The following RBFOX1 variants were observed in gnomAD, a reference collection of about 807,000 sequenced individuals.
The protein encoded by RBFOX1 is RNA binding fox-1 homolog 1.
In RBFOX1, 8 loss-of-function variants were observed where a neutral mutation model predicts 57.7. That is an observed-to-expected ratio of 0.14 (90% CI 0.08 to 0.25). The LOEUF (loss-of-function observed/expected upper bound fraction) is 0.25, where lower values mean the gene tolerates loss of function less well. RBFOX1 is among the 10% of genes least tolerant of loss of function. RBFOX1 has a pLI of 1.00. For synonymous variants in RBFOX1, 326 were observed against 222.4 expected, an observed-to-expected ratio of 1.47 and a Z score of -4.15; for missense variants, 611 against 548.5, an observed-to-expected ratio of 1.11 and a Z score of -1.14.
intron 3 of RBFOX1, among the ~76,000 whole-genome samples, chr16:5,691,786 C>G (rs2050688096): frequency 1.3e-5 from 2 of 151,840 alleles, no homozygotes; most frequent in Non-Finnish European, 2.9e-5. Flanking sequence ...TTTTATTTTA[C>G]AAAAGAGGAA....
chr16:6,221,180 T>G (rs1435121229), intron 1 of RBFOX1, among the ~76,000 whole-genome samples: 2 of 152,230 alleles, frequency 1.3e-5, no homozygotes, highest in Admixed American at 6.5e-5. Flanking sequence ...ATTTCCAACT[T>G]ACTTTTCAAA....
At chr16:6,791,099 G>T (rs1350624760) in intron 3 of RBFOX1, among the ~76,000 whole-genome samples, 2 of 151,904 alleles carry the variant, frequency 1.3e-5, no homozygotes, top group Non-Finnish European at 2.9e-5. Context: ...TAGGGATGGG[G>T]TTTTGCCATC....
Position 5,909,067 on chromosome 16 carries a change from C to T in RBFOX1, c.351+41732C>T, listed in dbSNP as rs113103540. Among the ~76,000 whole-genome samples the T allele has an allele frequency of 1.6e-3, 244 of 149,734 alleles. 2 individuals carry two copies. Among genetic ancestry groups the T allele is most frequent in the African/African-American group, 5.3e-3 (217 of 40,698 alleles). ...CTTAGTTCATGGTATTTTATTATATCGGCTCCAACAGACTAAGCCCCCCTT... is the reference window on the plus strand; with the variant it reads ...CTTAGTTCATGGTATTTTATTATATTGGCTCCAACAGACTAAGCCCCCCTT... On this transcript the variant is annotated intron_variant, in intron 4 of 19. Transcript: ENST00000641259.
intron 3 of RBFOX1, among the ~76,000 whole-genome samples, chr16:6,883,108 C>T (rs1269325331): frequency 6.6e-6 from 1 of 152,108 alleles, no homozygotes; most frequent in Non-Finnish European, 1.5e-5. Flanking sequence ...GTATGAATGG[C>T]TACAGTATAT....
intron 1 of RBFOX1, among the ~76,000 whole-genome samples, chr16:6,080,092 A>G (rs554543533): frequency 4.6e-5 from 7 of 152,276 alleles, no homozygotes; most frequent in East Asian, 1.9e-4. Context: ...TGTACAGTGG[A>G]TATCTTGAAG....
intron 1 of RBFOX1, among the ~76,000 whole-genome samples, chr16:5,414,883 C>G (rs1218689857): frequency 6.6e-6 from 1 of 152,144 alleles, no homozygotes; most frequent in Non-Finnish European, 1.5e-5. Context: ...GGATGGAGAT[C>G]CTAAGCTTCA....
At position 7,436,422 on chromosome 16, in the gene RBFOX1, G is replaced by A. The variant is rs116950673; in HGVS notation, c.28-81725G>A. On this transcript the variant is annotated intron_variant, in intron 4 of 15. Coordinates refer to ENST00000550418, the MANE Select transcript of RBFOX1 (RefSeq NM_018723.4). Reference sequence around the variant, plus strand: ...TGGAATTTCCTGTTCAAAGGTTGGGGATGTGTGAAATTTGGACAGTGTCCA... The same window carrying A: ...TGGAATTTCCTGTTCAAAGGTTGGGAATGTGTGAAATTTGGACAGTGTCCA... 8.7e-3 allele frequency among the ~76,000 whole-genome samples: 1,326 copies of A among 152,296 alleles called. 13 individuals are homozygous for A. Among genetic ancestry groups the A allele is most frequent in the South Asian group, 0.046 (221 of 4,824 alleles).
At chr16:6,825,759 G>A (rs2092039139) in intron 3 of RBFOX1, among the ~76,000 whole-genome samples, 1 of 152,096 alleles carries the variant, frequency 6.6e-6, no homozygotes, top group Non-Finnish European at 1.5e-5. Context: ...ACGTGTAACG[G>A]GGTCCTGAAG....
intron 2 of RBFOX1, among the ~76,000 whole-genome samples, chr16:6,475,501 G>C (rs569646859): frequency 3.9e-5 from 6 of 152,302 alleles, no homozygotes; most frequent in African/African-American, 1.2e-4. Flanking sequence ...GGTGATTCAT[G>C]CATTTGTCTA....
chr16:7,522,466 T>C (rs1240483785), intron 5 of RBFOX1, among the ~76,000 whole-genome samples: 1 of 152,188 alleles, frequency 6.6e-6, no homozygotes, highest in East Asian at 1.9e-4. Flanking sequence ...TTTAAAGACC[T>C]AGAAGACAAT....
In RBFOX1 at chr16:7,690,278, C is replaced by A. The variant is rs895168887; in HGVS notation, c.995+13440C>A. Among the ~76,000 whole-genome samples, 6 of 152,062 alleles carry A rather than the reference C, an allele frequency of 3.9e-5. No homozygotes were observed. The South Asian group carries it at 1.0e-3, about 26-fold the overall frequency. On this transcript the variant is annotated intron_variant, in intron 14 of 15. Coordinates refer to ENST00000550418, the MANE Select transcript of RBFOX1 (RefSeq NM_018723.4). ...AGCAGCCAAGGTGAGGACCATTCAC[C>A]TCAACAAGTGATTTTCAAACGAAGA...
At chr16:6,591,955 T>C (rs1053012683) in intron 2 of RBFOX1, among the ~76,000 whole-genome samples, 10 of 152,206 alleles carry the variant, frequency 6.6e-5, no homozygotes, top group Non-Finnish European at 1.5e-4. Context: ...TGTTAAGTAA[T>C]ATTTGATGGG....
chr16:6,952,480 C>G (rs114137329), intron 3 of RBFOX1, among the ~76,000 whole-genome samples: 1 of 151,766 alleles, frequency 6.6e-6, no homozygotes, highest in Non-Finnish European at 1.5e-5. Context: ...GACCCTGTCT[C>G]TACAAAAAAT....
intron 3 of RBFOX1, among the ~76,000 whole-genome samples, chr16:5,862,329 C>A (rs1347346357): frequency 1.3e-5 from 2 of 152,156 alleles, no homozygotes; most frequent in Non-Finnish European, 1.5e-5. Context: ...CGTGGTGTGT[C>A]ATTTGCTGGT....
intron 6 of RBFOX1, among the ~76,000 whole-genome samples, chr16:7,580,941 G>A (rs1257200955): frequency 6.6e-6 from 1 of 152,178 alleles, no homozygotes; most frequent in African/African-American, 2.4e-5. Context: ...ATAAATGGAT[G>A]CAAATATCAC....
chr16:7,432,822 C>G (rs1002337642), intron 4 of RBFOX1, among the ~76,000 whole-genome samples: 3 of 152,184 alleles, frequency 2.0e-5, no homozygotes, highest in Non-Finnish European at 2.9e-5. Context: ...CTCCTTTGCT[C>G]TCTCTGCTGC....
intron 1 of RBFOX1, among the ~76,000 whole-genome samples, chr16:6,188,651 T>C (rs1005554919): frequency 3.3e-5 from 5 of 152,126 alleles, no homozygotes; most frequent in African/African-American, 1.2e-4. Context: ...AGGAATTAAA[T>C]TAAAAAGTAT....
At chr16:6,034,331 CAAAAAA>C (rs757260576) in intron 1 of RBFOX1, among the ~76,000 whole-genome samples, 18 of 37,130 alleles carry the variant, frequency 4.8e-4, no homozygotes, top group African/African-American at 1.5e-3. Context: ...GACTGTTGCG[CAAAAAA>C]AAAAAAAAAA....
chr16:6,662,134 G>C (rs980329952), intron 3 of RBFOX1, among the ~76,000 whole-genome samples: 70 of 81,412 alleles, frequency 8.6e-4, no homozygotes, highest in African/African-American at 1.9e-3. Flanking sequence ...GCTGGGGGCG[G>C]GGTGAAAAAA....
Sources: gnomAD v4.1 joint callset for allele counts (sites outside exome capture counted in the v4.1 genomes callset) on GRCh38, gnomAD v4.1.1 for gene constraint, MANE v1.5 for transcripts, NCBI Gene and HGNC (gene_info 2026-07-23, HGNC 2026-07-21) for gene names.